The following AGAP1 variants were observed in gnomAD, a reference collection of about 807,000 sequenced individuals.
AGAP1 encodes the protein ArfGAP with GTPase domain, ankyrin repeat and PH domain 1.
AGAP1 carries 29 observed loss-of-function variants against 105.3 expected under a neutral mutation model. The observed-to-expected ratio is 0.28, with a 90% CI of 0.21 to 0.38. The LOEUF is 0.38. AGAP1 is among the 10% of genes least tolerant of loss of function. The probability of loss-of-function intolerance (pLI) is 1.00; values close to 1 mark genes in which losing one functional copy is unlikely to be tolerated. For missense variants in AGAP1, 998 were observed against 1,165.1 expected, an observed-to-expected ratio of 0.86 and a Z score of 2.09; for synonymous variants, 509 against 485.9, an observed-to-expected ratio of 1.05 and a Z score of -0.63.
chr2:235,593,135 C>T (rs1945407514), intron 1 of AGAP1, among the ~76,000 whole-genome samples: 1 of 152,088 alleles, frequency 6.6e-6, no homozygotes, highest in Non-Finnish European at 1.5e-5. Flanking sequence ...TGATATCAGC[C>T]ACCCTCAACC....
chr2:235,899,963 A>G (rs2050988172), intron 10 of AGAP1, among the ~76,000 whole-genome samples: 1 of 152,216 alleles, frequency 6.6e-6, no homozygotes. Flanking sequence ...TTCGATTTAG[A>G]ATTTTCTGCT....
At chr2:235,763,792 G>A (rs902802151) in intron 6 of AGAP1, among the ~76,000 whole-genome samples, 13 of 152,306 alleles carry the variant, frequency 8.5e-5, no homozygotes, top group African/African-American at 2.9e-4. Context: ...TCCACGTCCT[G>A]TAATCTGTTT....
chr2:235,532,895 C>T (rs1214252482), intron 1 of AGAP1, among the ~76,000 whole-genome samples: 2 of 152,128 alleles, frequency 1.3e-5, no homozygotes, highest in Non-Finnish European at 2.9e-5. Context: ...ACTTTGTTAC[C>T]CACCCAGTGC....
intron 9 of AGAP1, among the ~76,000 whole-genome samples, chr2:235,837,025 G>A (rs1408707140): frequency 6.6e-6 from 1 of 152,174 alleles, no homozygotes; most frequent in Non-Finnish European, 1.5e-5. Context: ...TGCTCTTGTT[G>A]CCCGGTCTGG....
At chr2:236,007,077 G>A (rs536479758) in intron 13 of AGAP1, among the ~76,000 whole-genome samples, 112 of 5,690 alleles carry the variant, frequency 0.02, no homozygotes, top group Non-Finnish European at 0.028. Context: ...ATCTGTGAGT[G>A]TTTAAAGGAA....
In AGAP1 at chr2:235,664,905, G is replaced by T. The variant is rs929123126; in HGVS notation, c.164-44274G>T. On this transcript the variant is annotated intron_variant, in intron 1 of 17. Coordinates refer to ENST00000304032, the MANE Select transcript of AGAP1 (RefSeq NM_001037131.3). The surrounding 1 kb of genome is among the most constrained non-coding windows in gnomAD (Gnocchi z 5.7). ...GAGACCCACCTGTGCAATATAGTGA[G>T]ACCCCCATCTTTACCATAAATGAAA... 3.9e-5 allele frequency among the ~76,000 whole-genome samples: 6 copies of T among 152,112 alleles called. No homozygotes were observed. The highest frequency in any genetic ancestry group is 4.4e-5 in the Non-Finnish European group (3 of 68,034).
intron 9 of AGAP1, among the ~76,000 whole-genome samples, chr2:235,854,768 T>C (rs2048614285): frequency 6.6e-6 from 1 of 152,252 alleles, no homozygotes; most frequent in Admixed American, 6.5e-5. Flanking sequence ...CAAAAGTGGC[T>C]GTTTCCCCTG....
Position 235,610,328 on chromosome 2 carries a change from A to G in AGAP1, c.164-98851A>G, listed in dbSNP as rs950930150. 6.6e-6 allele frequency among the ~76,000 whole-genome samples: 1 copy of G among 152,184 alleles called. No individual in the cohort carries two copies. The highest frequency in any genetic ancestry group is 1.9e-4 in the East Asian group (1 of 5,178). On this transcript the variant is annotated intron_variant, in intron 1 of 17. Coordinates refer to ENST00000304032, the MANE Select transcript of AGAP1 (RefSeq NM_001037131.3). The surrounding 1 kb of genome is among the most constrained non-coding windows in gnomAD (Gnocchi z 4.9). ...CGTGCACTTGTCCGCTTGGGCTGCC[A>G]TAACAAAATACCAGACGCTGGGTGC...
At chr2:235,745,368 G>A (rs768872182) in intron 5 of AGAP1, among the ~76,000 whole-genome samples, 2 of 152,118 alleles carry the variant, frequency 1.3e-5, no homozygotes, top group African/African-American at 2.4e-5. Flanking sequence ...ATCCAACTGG[G>A]CACATTTCTT....
At chr2:235,783,437 A>G (rs752111503) in intron 6 of AGAP1, 2 of 468,952 alleles carry the variant, frequency 4.3e-6, no homozygotes, top group Non-Finnish European at 8.8e-6. Flanking sequence ...GTAGGACATC[A>G]CCATGTTCTC....
rs1255277618 is a variant in AGAP1 at position 236,076,357 on chromosome 2, A to G, written c.2114+27076A>G. Among the ~76,000 whole-genome samples, 1 of 152,076 alleles carries G rather than the reference A, an allele frequency of 6.6e-6. No homozygotes were observed. The highest frequency in any genetic ancestry group is 2.4e-5 in the African/African-American group (1 of 41,418). ...CAGCTACTTGGGAGGCTGAGGCAGA[A>G]TTGCTTGAACCCTGGAGGCAGAGGT... On this transcript the variant is annotated intron_variant, in intron 16 of 17. Transcript: ENST00000304032. This position sits in a 1 kb window ranked among gnomAD's most constrained non-coding sequence, Gnocchi z 4.4.
intron 1 of AGAP1, among the ~76,000 whole-genome samples, chr2:235,536,677 A>ACACACC (rs1559231815): frequency 1.7e-5 from 2 of 115,938 alleles, no homozygotes; most frequent in African/African-American, 3.0e-5. Flanking sequence ...ACACACACAC[A>ACACACC]CCCCTTGCTT....
intron 12 of AGAP1, among the ~76,000 whole-genome samples, chr2:235,950,887 CTTTTTTTTTTTTTTTT>C (rs200110792): frequency 0.032 from 3,732 of 118,242 alleles, 163 homozygotes; most frequent in African/African-American, 0.097. Flanking sequence ...TCTCCAAGCA[CTTTTTTTTTTTTTTTT>C]TTTTTTTTTT....
chr2:235,559,266 TAA>T lies in AGAP1; in HGVS notation c.163+64421_163+64422del. On this transcript the variant is annotated intron_variant, in intron 1 of 17. Transcript: ENST00000304032. The surrounding 1 kb of genome is among the most constrained non-coding windows in gnomAD (Gnocchi z 5.7). The stretch of plus-strand genomic sequence containing the variant: ...TAGAAACTTGCCAGCTTAGTCTTTA[TAA>T]AAATACGATGAAGGGGTGATTTGGG... 6.6e-6 allele frequency among the ~76,000 whole-genome samples: 1 copy of T among 152,240 alleles called. No individual in the cohort carries two copies. The highest frequency in any genetic ancestry group is 2.1e-4 in the South Asian group (1 of 4,808).
At chr2:235,595,154 T>G (rs1269087693) in intron 1 of AGAP1, among the ~76,000 whole-genome samples, 3 of 152,004 alleles carry the variant, frequency 2.0e-5, no homozygotes, top group Non-Finnish European at 4.4e-5. Flanking sequence ...CTCAGACGGC[T>G]TGGGAGAGGA....
intron 13 of AGAP1, among the ~76,000 whole-genome samples, chr2:236,019,283 C>T (rs1015212784): frequency 2.6e-5 from 4 of 152,170 alleles, no homozygotes; most frequent in Non-Finnish European, 4.4e-5. Flanking sequence ...AGGGTGCACC[C>T]GCCCACTGCC....
chr2:235,683,999 C>G (rs989814778), intron 1 of AGAP1, among the ~76,000 whole-genome samples: 4 of 151,988 alleles, frequency 2.6e-5, no homozygotes, highest in African/African-American at 9.7e-5. Flanking sequence ...TGGTTTCCAG[C>G]TTCATCCACG....
rs567657348 is a variant in AGAP1 at position 236,009,226 on chromosome 2, T to G, written c.1646-27335T>G. ...AGAGAACAGAACATTTACACCGTCTTGTTGAGCAAATGAACGTTCAAATGG... is the reference window on the plus strand; with the variant it reads ...AGAGAACAGAACATTTACACCGTCTGGTTGAGCAAATGAACGTTCAAATGG... On this transcript the variant is annotated intron_variant, in intron 13 of 17. Coordinates refer to ENST00000304032, the MANE Select transcript of AGAP1 (RefSeq NM_001037131.3). The surrounding 1 kb of genome is among the most constrained non-coding windows in gnomAD (Gnocchi z 4.2). Among the ~76,000 whole-genome samples, 1 of 152,224 alleles carries G rather than the reference T, an allele frequency of 6.6e-6. No individual in the cohort carries two copies. The highest frequency in any genetic ancestry group is 6.5e-5 in the Admixed American group (1 of 15,286).
intron 12 of AGAP1, among the ~76,000 whole-genome samples, chr2:235,937,081 C>T (rs2125188614): frequency 6.6e-6 from 1 of 152,292 alleles, no homozygotes; most frequent in East Asian, 1.9e-4. Context: ...CTGAAGTTTC[C>T]TTTATCAATT....
Sources: gnomAD v4.1 joint callset for allele counts (sites outside exome capture counted in the v4.1 genomes callset) on GRCh38, gnomAD v4.1.1 for gene constraint, Gnocchi (gnomAD v3.1) non-coding constraint, MANE v1.5 for transcripts, NCBI Gene and HGNC (gene_info 2026-07-23, HGNC 2026-07-21) for gene names.